EFCAB11: variants seen among roughly 807,000 people sequenced by gnomAD.
The protein encoded by EFCAB11 is EF-hand calcium-binding domain-containing protein 11.
EFCAB11 carries 14 observed loss-of-function variants against 23.0 expected under a neutral mutation model. The observed-to-expected ratio is 0.61, with a 90% CI of 0.40 to 0.95. The LOEUF is 0.95. Among genes scored for constraint, EFCAB11 ranks in the 40% least tolerant of loss-of-function variants. The probability of loss-of-function intolerance (pLI) is 0.00; values close to 1 mark genes in which losing one functional copy is unlikely to be tolerated. For synonymous variants in EFCAB11, 65 were observed against 66.6 expected, an observed-to-expected ratio of 0.98 and a Z score of 0.11; for missense variants, 198 against 195.8, an observed-to-expected ratio of 1.01 and a Z score of -0.07.
At chr14:89,852,382 T>C (rs1452610377) in intron 5 of EFCAB11, among the ~76,000 whole-genome samples, 1 of 152,166 alleles carries the variant, frequency 6.6e-6, no homozygotes, top group East Asian at 1.9e-4. Context: ...ACCTGCTGAT[T>C]GTTCTCAGCT....
chr14:89,871,286 T>C (rs1218706755), intron 5 of EFCAB11, among the ~76,000 whole-genome samples: 1 of 152,206 alleles, frequency 6.6e-6, no homozygotes, highest in Non-Finnish European at 1.5e-5. Flanking sequence ...AATGATTCTC[T>C]GGTTTCTGCC....
intron 5 of EFCAB11, among the ~76,000 whole-genome samples, chr14:89,828,169 T>G (rs1886766176): frequency 1.3e-5 from 2 of 152,224 alleles, no homozygotes; most frequent in African/African-American, 4.8e-5. Flanking sequence ...GTTTGTGATC[T>G]CTAATTAATA....
intron 5 of EFCAB11, among the ~76,000 whole-genome samples, chr14:89,875,215 A>C (rs1888399011): frequency 6.6e-6 from 1 of 152,172 alleles, no homozygotes; most frequent in Non-Finnish European, 1.5e-5. Context: ...TTACTCCATC[A>C]ACTAAGAACT....
chr14:89,932,636 TG>T lies in EFCAB11; in HGVS notation c.218-10del. ...CCCCTCGAGTAATATACCTAAAAGT[TG>T]GGGAAAAAACAATTTGTCAAAGATT... On this transcript the variant is annotated splice_polypyrimidine_tract_variant and intron_variant, in intron 3 of 5. Coordinates refer to ENST00000316738, the MANE Select transcript of EFCAB11 (RefSeq NM_145231.4). The T allele has an allele frequency of 1.2e-6, 2 of 1,603,710 alleles. No homozygotes were observed. The highest frequency in any genetic ancestry group is 1.7e-6 in the Non-Finnish European group (2 of 1,172,002).
At chr14:89,885,626 G>A (rs7144684) in intron 5 of EFCAB11, among the ~76,000 whole-genome samples, 8,049 of 151,060 alleles carry the variant, frequency 0.053, 365 homozygotes, top group African/African-American at 0.12. Context: ...GCAGTGAGCT[G>A]AGATCGCACC....
At chr14:89,950,286 A>T in intron 2 of EFCAB11, 144 bp from the exon 3 acceptor site, 1 of 812,076 alleles carries the variant, frequency 1.2e-6, no homozygotes, top group South Asian at 2.0e-5. Flanking sequence ...GATACACAAT[A>T]GCTATAATAG....
In EFCAB11 at chr14:89,807,341, G is replaced by A. The variant is rs117380922; in HGVS notation, c.411-10017C>T. ...CTTTAACAGATGGCATAATGGCTCA[G>A]TGCACAGATGTGGCCTCTCTGAAAG... On this transcript the variant is annotated intron_variant, in intron 5 of 5. Transcript: ENST00000316738. Among the ~76,000 whole-genome samples, 253 of 152,346 alleles carry A rather than the reference G, an allele frequency of 1.7e-3. 8 individuals are homozygous for A. In the East Asian group the frequency reaches 0.042, roughly 25 times the overall value.
At chr14:89,910,649 A>AC (rs200198640) in intron 5 of EFCAB11, among the ~76,000 whole-genome samples, 6 of 146,134 alleles carry the variant, frequency 4.1e-5, no homozygotes, top group Admixed American at 6.7e-5. Context: ...ATACATACAT[A>AC]AAAATGTCTA....
intron 5 of EFCAB11, among the ~76,000 whole-genome samples, chr14:89,853,395 T>C: frequency 6.6e-6 from 1 of 152,238 alleles, no homozygotes; most frequent in East Asian, 1.9e-4. Context: ...GTACCTACTA[T>C]GTGCCAGGCA....
chr14:89,844,446 C>G (rs1007486821), intron 5 of EFCAB11, among the ~76,000 whole-genome samples: 1 of 152,144 alleles, frequency 6.6e-6, no homozygotes, highest in Admixed American at 6.5e-5. Flanking sequence ...TCAATGGTGC[C>G]TTAATATTGT....
chr14:89,817,006 G>A (rs981575114), intron 5 of EFCAB11, among the ~76,000 whole-genome samples: 1 of 151,560 alleles, frequency 6.6e-6, no homozygotes, highest in East Asian at 1.9e-4. Flanking sequence ...ATTAAACCAA[G>A]GTAGAATATA....
intron 3 of EFCAB11, among the ~76,000 whole-genome samples, chr14:89,948,535 T>C (rs940972248): frequency 1.3e-5 from 2 of 152,250 alleles, no homozygotes; most frequent in Admixed American, 6.5e-5. Context: ...TGCATTCTCA[T>C]ATACTGTTTG....
At chr14:89,885,051 C>G (rs896495898) in intron 5 of EFCAB11, among the ~76,000 whole-genome samples, 3 of 152,160 alleles carry the variant, frequency 2.0e-5, no homozygotes, top group Non-Finnish European at 4.4e-5. Flanking sequence ...GCCACCCAGT[C>G]TATGGTATTC....
At chr14:89,921,977 T>G (rs1890034159) in intron 5 of EFCAB11, among the ~76,000 whole-genome samples, 1 of 152,204 alleles carries the variant, frequency 6.6e-6, no homozygotes, top group Admixed American at 6.5e-5. Context: ...AGAAATTGAT[T>G]CCTTTTTCTA....
At chr14:89,821,531 G>T (rs970322284) in intron 5 of EFCAB11, among the ~76,000 whole-genome samples, 10 of 152,104 alleles carry the variant, frequency 6.6e-5, no homozygotes, top group Non-Finnish European at 1.3e-4. Flanking sequence ...ATAAAACCCA[G>T]TGTGGAGGGT....
intron 5 of EFCAB11, among the ~76,000 whole-genome samples, chr14:89,868,486 T>C (rs867102495): frequency 1.3e-5 from 2 of 152,114 alleles, no homozygotes; most frequent in African/African-American, 2.4e-5. Flanking sequence ...TACACCAAGA[T>C]AAAATACTCC....
intron 5 of EFCAB11, chr14:89,892,065 T>C: frequency 6.5e-7 from 1 of 1,541,314 alleles, no homozygotes; most frequent in East Asian, 2.5e-5. Flanking sequence ...GGTGTCCTGC[T>C]GGTCTTTGAT....
At chr14:89,941,409 C>G (rs1450557449) in intron 3 of EFCAB11, among the ~76,000 whole-genome samples, 1 of 151,988 alleles carries the variant, frequency 6.6e-6, no homozygotes, top group African/African-American at 2.4e-5. Context: ...AGGAGTATGA[C>G]CCATGGCACT....
intron 5 of EFCAB11, among the ~76,000 whole-genome samples, chr14:89,893,867 AAC>A (rs1889069566): frequency 6.6e-6 from 1 of 152,100 alleles, no homozygotes; most frequent in African/African-American, 2.4e-5. Context: ...TTGATATTAA[AAC>A]TATACATACA....
Sources: allele counts gnomAD v4.1 joint callset (sites outside exome capture counted in the v4.1 genomes callset), GRCh38; gene constraint gnomAD v4.1.1; transcripts MANE v1.5; gene names NCBI Gene and HGNC (gene_info 2026-07-23, HGNC 2026-07-21).